The following INO80 variants were observed in gnomAD, a reference collection of about 807,000 sequenced individuals.
INO80 encodes INO80 complex ATPase subunit, also known as chromatin-remodeling ATPase INO80.
INO80 carries 20 observed loss-of-function variants against 203.4 expected under a neutral mutation model. That is an observed-to-expected ratio of 0.10 (90% CI 0.07 to 0.14). INO80 has a LOEUF of 0.14. Ranked by LOEUF, INO80 falls within the 10% of genes least tolerant of loss-of-function variation. The pLI is 1.00. For missense variants in INO80, 1,419 were observed against 1,914.4 expected (o/e 0.74, Z 4.83); for synonymous variants, 726 against 685.2 (o/e 1.06, Z -0.93).
chr15:41,089,252 AC>A (rs1253709813), intron 5 of INO80, among the ~76,000 whole-genome samples: 6 of 152,192 alleles, frequency 3.9e-5, no homozygotes, highest in African/African-American at 1.4e-4. Flanking sequence ...AGCGCCAAGT[AC>A]CTTACTGCTG....
chr15:41,083,938 A>G (rs994115727), intron 7 of INO80, among the ~76,000 whole-genome samples: 1 of 152,106 alleles, frequency 6.6e-6, no homozygotes, highest in African/African-American at 2.4e-5. Context: ...GAGGTTTTGT[A>G]GCGTGTTCTA....
intron 25 of INO80, among the ~76,000 whole-genome samples, chr15:41,021,700 G>C (rs745511881): frequency 2.0e-5 from 3 of 152,226 alleles, no homozygotes; most frequent in African/African-American, 4.8e-5. Context: ...ACTGGGGAAG[G>C]GGGAGTGCGG....
At chr15:41,070,696 G>C in intron 12 of INO80, 149 bp from the exon 13 acceptor site, 1 of 658,238 alleles carries the variant, frequency 1.5e-6, no homozygotes, top group Non-Finnish European at 2.7e-6. Flanking sequence ...CACTGCTATA[G>C]TAATTGCTTT....
chr15:41,028,061 T>G (rs976510752), intron 24 of INO80, among the ~76,000 whole-genome samples: 2 of 152,182 alleles, frequency 1.3e-5, no homozygotes, highest in African/African-American at 4.8e-5. Flanking sequence ...CAGGGGAAGT[T>G]TGGTTCATCT....
chr15:41,070,109 G>A (rs976123285), intron 13 of INO80, among the ~76,000 whole-genome samples: 1 of 152,228 alleles, frequency 6.6e-6, no homozygotes, highest in Non-Finnish European at 1.5e-5. Flanking sequence ...CTAAGCCTCA[G>A]AGAGTTAAGT....
intron 9 of INO80, among the ~76,000 whole-genome samples, chr15:41,076,218 A>G (rs2045399777): frequency 6.6e-6 from 1 of 152,048 alleles, no homozygotes; most frequent in African/African-American, 2.4e-5. Context: ...AAAATTAGCC[A>G]GGCATGGTGG....
chr15:41,056,399 T>A lies in INO80; in HGVS notation c.2070+223A>T, dbSNP rs547655540. Among the ~76,000 whole-genome samples the A allele has an allele frequency of 8.5e-5, 13 of 152,346 alleles. No homozygotes were observed. In the East Asian group the frequency reaches 2.3e-3, roughly 27 times the overall value. On this transcript the variant is annotated intron_variant, in intron 17 of 35. Transcript: ENST00000648947. Reference sequence around the variant, plus strand: ...CATTTTCTAATGTGGTCAGTATTCCTTAAATACAAAAGAATACAGTAATTC... The same window carrying A: ...CATTTTCTAATGTGGTCAGTATTCCATAAATACAAAAGAATACAGTAATTC...
intron 1 of INO80, among the ~76,000 whole-genome samples, chr15:41,115,591 G>A (rs1448501650): frequency 6.6e-6 from 1 of 152,122 alleles, no homozygotes; most frequent in Admixed American, 6.5e-5. Flanking sequence ...TCCCACTCAA[G>A]GCCTTCCAGC....
intron 1 of INO80, among the ~76,000 whole-genome samples, chr15:41,108,506 G>A (rs1216529055): frequency 1.3e-5 from 2 of 150,784 alleles, no homozygotes; most frequent in Non-Finnish European, 3.0e-5. Context: ...GCAGGAGAAT[G>A]GCATGAACTC....
intron 14 of INO80, among the ~76,000 whole-genome samples, chr15:41,064,343 C>G (rs2045171021): frequency 6.6e-6 from 1 of 152,156 alleles, no homozygotes. Flanking sequence ...AACAAGACAT[C>G]TAGACAATCC....
intron 24 of INO80, among the ~76,000 whole-genome samples, chr15:41,030,733 G>A (rs1000859800): frequency 6.6e-6 from 1 of 151,984 alleles, no homozygotes; most frequent in African/African-American, 2.4e-5. Flanking sequence ...GGAGTACAGT[G>A]GTGTGATCTT....
intron 15 of INO80, among the ~76,000 whole-genome samples, chr15:41,059,568 T>A (rs752434158): frequency 2.0e-5 from 3 of 150,570 alleles, no homozygotes; most frequent in Non-Finnish European, 4.4e-5. Flanking sequence ...GGTGGGAGGA[T>A]TGCTTGAGCC....
intron 1 of INO80, among the ~76,000 whole-genome samples, chr15:41,099,334 G>A (rs970468049): frequency 5.7e-5 from 8 of 140,372 alleles, no homozygotes; most frequent in Non-Finnish European, 1.2e-4. Context: ...AAAAAAAAAT[G>A]TTCCAAACTC....
rs74568940 is a variant in INO80 at position 41,095,937 on chromosome 15, T to G, written c.144-9A>C. On this transcript the variant is annotated splice_polypyrimidine_tract_variant and intron_variant, in intron 2 of 35. Transcript: ENST00000648947. ...CATCTTCACTGTCATCACTATAAAT[T>G]GAAGAATGAGTCCACAATTACAGCT... 2.5e-6 allele frequency: 4 copies of G among 1,611,818 alleles called. No individual in the cohort carries two copies. The East Asian group carries it at 8.9e-5, about 36-fold the overall frequency.
chr15:41,013,896 T>C (rs544646912), intron 27 of INO80, among the ~76,000 whole-genome samples: 11 of 152,308 alleles, frequency 7.2e-5, no homozygotes, highest in African/African-American at 2.6e-4. Context: ...CCCTTAGAAA[T>C]ACATCTATGT....
At chr15:41,033,683 C>T (rs1436533545) in intron 24 of INO80, among the ~76,000 whole-genome samples, 1 of 152,090 alleles carries the variant, frequency 6.6e-6, no homozygotes, top group African/African-American at 2.4e-5. Context: ...GGGAGCCATG[C>T]TAGTTTTTGT....
chr15:41,069,515 A>C, intron 14 of INO80, 55 bp downstream of exon 14: 2 of 1,043,622 alleles, frequency 1.9e-6, no homozygotes, highest in Non-Finnish European at 2.9e-6. Context: ...AGAAAAGGAG[A>C]GTCAAAAAGT....
intron 28 of INO80, among the ~76,000 whole-genome samples, chr15:41,002,997 G>A (rs2043981503): frequency 6.6e-6 from 1 of 152,094 alleles, no homozygotes; most frequent in Non-Finnish European, 1.5e-5. Context: ...GCAGGCGCCT[G>A]TAGTCCCAGC....
chr15:41,051,737 G>A (rs150866536), intron 19 of INO80, among the ~76,000 whole-genome samples: 2 of 152,022 alleles, frequency 1.3e-5, no homozygotes, highest in Non-Finnish European at 2.9e-5. Context: ...GGTGGATCAC[G>A]AAGTCAAGAG....
Sources: allele counts gnomAD v4.1 joint callset (sites outside exome capture counted in the v4.1 genomes callset), GRCh38; gene constraint gnomAD v4.1.1; transcripts MANE v1.5; gene names NCBI Gene and HGNC (gene_info 2026-07-23, HGNC 2026-07-21).